Variants in MTRF1L observed in about 807,000 individuals in gnomAD.
The protein encoded by MTRF1L is mitochondrial translation release factor 1 like.
A neutral mutation model predicts 40.0 loss-of-function variants in MTRF1L; 29 were observed. That is an observed-to-expected ratio of 0.73 (90% CI 0.54 to 0.99). The LOEUF is 0.99. MTRF1L is among the 50% of genes least tolerant of loss of function. The pLI is 0.00. For missense variants in MTRF1L, 412 were observed against 464.5 expected (o/e 0.89, Z 1.04); for synonymous variants, 150 against 175.8 (o/e 0.85, Z 1.16).
Position 152,992,977 on chromosome 6 carries a change from A to G in MTRF1L, c.688-3T>C. ...TTCGGATTAATCACCAGATTAATCT[A>G]TACAGAAGAAAAGTTGGGATTTTAA... is the stretch of plus-strand genomic sequence containing the variant. On this transcript the variant is annotated splice_polypyrimidine_tract_variant and splice_region_variant and intron_variant, in intron 4 of 6. Transcript: ENST00000367233. 6.2e-7 allele frequency: 1 copy of G among 1,608,846 alleles called. No homozygotes were observed. Among genetic ancestry groups the G allele is most frequent in the South Asian group, 1.1e-5 (1 of 90,934 alleles).
rs1378070977 is a variant in MTRF1L at position 153,002,464 on chromosome 6, C to T, written c.222G>A (p.Lys74=). 1.2e-6 allele frequency: 2 copies of T among 1,613,842 alleles called. No individual in the cohort carries two copies. Among genetic ancestry groups the T allele is most frequent in the South Asian group, 1.1e-5 (1 of 91,066 alleles). ...LLAVIKLLNE[K]ERELRETEHL... ...GCTCAGTCTCCCGCAGCTCCCGCTC[C>T]TTCTCGTTCAGCAGTTTGATCACCG... The change falls in exon 1 of 7, where the codon AAG becomes AAA. Residue 74 remains lysine, a synonymous_variant. Transcript: ENST00000367233.
chr6:152,994,437 A>G (rs1228563694), intron 4 of MTRF1L, 76 bp downstream of exon 4: 1 of 1,398,774 alleles, frequency 7.1e-7, no homozygotes, highest in Admixed American at 2.4e-5. Flanking sequence ...TCAATTCAGT[A>G]AACTCTGAAT....
At chr6:152,994,397 C>CA in intron 4 of MTRF1L, 116 bp downstream of exon 4, 1 of 1,109,928 alleles carries the variant, frequency 9.0e-7, no homozygotes, top group Non-Finnish European at 1.2e-6. Context: ...ATATGCAACT[C>CA]AAAATACACA....
intron 1 of MTRF1L, among the ~76,000 whole-genome samples, chr6:153,000,699 C>T (rs974166776): frequency 6.6e-6 from 1 of 152,018 alleles, no homozygotes; most frequent in Non-Finnish European, 1.5e-5. Flanking sequence ...ATTTTTATAA[C>T]TTTTCTCCTG....
At position 152,991,478 on chromosome 6, in the gene MTRF1L, T is replaced by C. The variant is rs1255619227; in HGVS notation, c.806-157A>G. ...AAGGGAGAGACTATAAGCTTAACTT[T>C]TGCAGAGTTTATCAGAAAACTGAAA... On this transcript the variant is annotated intron_variant, in intron 5 of 6. Transcript: ENST00000367233. The C allele has an allele frequency of 1.1e-5, 9 of 830,472 alleles. 1 individual carries two copies. The South Asian group carries it at 1.8e-4, about 17-fold the overall frequency. The allele number at this position is 830,472 out of a possible 1,614,324, so 51.4% of individuals were successfully genotyped here. A position where few individuals can be genotyped will look rare whatever the true frequency, so the allele number is the denominator to read the frequency against.
chr6:153,000,414 T>C (rs756554947), intron 1 of MTRF1L, among the ~76,000 whole-genome samples: 1 of 152,232 alleles, frequency 6.6e-6, no homozygotes, highest in Non-Finnish European at 1.5e-5. Flanking sequence ...AACAGCTGTG[T>C]GGCTACTGGC....
chr6:152,998,789 A>G (rs1400190264), intron 1 of MTRF1L, 160 bp from the exon 2 acceptor site: 1 of 398,140 alleles, frequency 2.5e-6, no homozygotes, highest in Non-Finnish European at 4.4e-6. Flanking sequence ...CTTTCAATAA[A>G]TGTCCTTTCA....
intron 1 of MTRF1L, among the ~76,000 whole-genome samples, chr6:152,999,467 A>G (rs1241276300): frequency 6.6e-6 from 1 of 152,156 alleles, no homozygotes; most frequent in Non-Finnish European, 1.5e-5. Context: ...TAGTTTCCTT[A>G]TATTTTTCTA....
Position 152,990,057 on chromosome 6 carries a change from A to C in MTRF1L, c.981T>G (p.Tyr327Ter). Residue 327 changes from tyrosine to a stop codon, truncating the protein, a stop_gained, in exon 7 of 7, where the codon TAT becomes TAG. Coordinates refer to ENST00000367233, the MANE Select transcript of MTRF1L (RefSeq NM_019041.7). LOFTEE classifies it high-confidence loss of function. Reference sequence around the variant, plus strand: ...CTGTGACCCGGTTCTGTGGAAAATTATATGTTCTTATTTTCTCTGATCTTC... The same window carrying C: ...CTGTGACCCGGTTCTGTGGAAAATTCTATGTTCTTATTTTCTCTGATCTTC... ...SKGRSEKIRT[Y>*]NFPQNRVTDH... 1.2e-6 allele frequency: 2 copies of C among 1,613,238 alleles called. No homozygotes were observed. The highest frequency in any genetic ancestry group is 1.7e-6 in the Non-Finnish European group (2 of 1,179,302).
intron 2 of MTRF1L, among the ~76,000 whole-genome samples, chr6:152,997,613 C>CT (rs756613315): frequency 1.3e-5 from 2 of 152,054 alleles, no homozygotes; most frequent in African/African-American, 4.8e-5. Context: ...TGGCAATAGT[C>CT]TTTTTGGGGA....
rs1778648027 is a variant in MTRF1L at position 152,994,627 on chromosome 6, C to A, written c.573G>T (p.Arg191Ser). The A allele has an allele frequency of 6.2e-7, 1 of 1,613,962 alleles. No homozygotes were observed. Among genetic ancestry groups the A allele is most frequent in the African/African-American group, 1.3e-5 (1 of 74,898 alleles). Reference protein sequence around the residue: ...SASIGGSEAYRHMKFEGGVHR... With the variant: ...SASIGGSEAYSHMKFEGGVHR... ...GAACACCTCCTTCAAATTTCATGTG[C>A]CTATAGGCTTCTGAACCCCCAATGC... The change falls in exon 4 of 7, where the codon AGG becomes AGT. Residue 191 changes from arginine to serine, a missense_variant. By Grantham distance (110) the Arg-to-Ser change is moderately radical (BLOSUM62 -1). Transcript: ENST00000367233.
In MTRF1L at chr6:152,989,882, ATAAC is replaced by A. The variant is rs1778440474; in HGVS notation, c.*9_*12del. ...TTTTCTAAGCTACGAAAGTCTATAA[ATAAC>A]AAATCAACTTAAACTTTTTGGGAAA... On this transcript the variant is annotated 3_prime_UTR_variant, in exon 7 of 7. Coordinates refer to ENST00000367233, the MANE Select transcript of MTRF1L (RefSeq NM_019041.7). The A allele has an allele frequency of 6.2e-7, 1 of 1,601,940 alleles. No homozygotes were observed. Among genetic ancestry groups the A allele is most frequent in the Admixed American group, 1.7e-5 (1 of 57,600 alleles).
At chr6:152,991,648 G>A (rs980997597) in intron 5 of MTRF1L, among the ~76,000 whole-genome samples, 10 of 152,258 alleles carry the variant, frequency 6.6e-5, no homozygotes, top group Admixed American at 4.6e-4. Context: ...CCGGGTTCAC[G>A]CCATTCTCCT....
chr6:152,992,864 A>G lies in MTRF1L; in HGVS notation c.798T>C (p.Leu266=). ...GAAGGAATAAGTACACACCTGTTGG[A>G]AGATGAACTATCCGGACAGCACTGT... ...TTDSAVRIVH[L]PTGVVSECQQ... The change falls in exon 5 of 7, where the codon CTT becomes CTC. Residue 266 remains leucine (L), a synonymous_variant. Coordinates refer to ENST00000367233, the MANE Select transcript of MTRF1L (RefSeq NM_019041.7). 1 of 1,610,552 alleles carries G rather than the reference A, an allele frequency of 6.2e-7. No individual in the cohort carries two copies. Among genetic ancestry groups the G allele is most frequent in the East Asian group, 2.2e-5 (1 of 44,816 alleles).
chr6:152,995,453 T>C (rs1009277766), intron 2 of MTRF1L, 134 bp from the exon 3 acceptor site: 1 of 710,134 alleles, frequency 1.4e-6, no homozygotes, highest in African/African-American at 1.8e-5. Context: ...TGAGTACTGT[T>C]CAACCACCTT....
chr6:152,991,150 A>G (rs754386369), intron 6 of MTRF1L, 35 bp downstream of exon 6: 2 of 1,343,846 alleles, frequency 1.5e-6, no homozygotes, highest in South Asian at 2.8e-5. Flanking sequence ...AAATATTTCT[A>G]TCCTTTAAAA....
chr6:152,992,797 A>T, intron 5 of MTRF1L, 60 bp downstream of exon 5: 2 of 1,237,410 alleles, frequency 1.6e-6, no homozygotes, highest in Non-Finnish European at 2.3e-6. Flanking sequence ...GTGGAAAATT[A>T]GTCATATTAT....
chr6:152,998,929 T>C (rs942023934), intron 1 of MTRF1L, among the ~76,000 whole-genome samples: 1 of 152,164 alleles, frequency 6.6e-6, no homozygotes, highest in Non-Finnish European at 1.5e-5. Flanking sequence ...TTCATCTCCA[T>C]GAAATATTCA....
intron 2 of MTRF1L, among the ~76,000 whole-genome samples, chr6:152,997,208 C>T (rs1176359195): frequency 6.6e-6 from 1 of 152,094 alleles, no homozygotes; most frequent in Non-Finnish European, 1.5e-5. Flanking sequence ...AGTGGCAGAC[C>T]ATCTGCATCA....
Sources: gnomAD v4.1 joint callset for allele counts (sites outside exome capture counted in the v4.1 genomes callset) on GRCh38, gnomAD v4.1.1 for gene constraint, MANE v1.5 for transcripts, NCBI Gene and HGNC (gene_info 2026-07-23, HGNC 2026-07-21) for gene names.